SNTG1: variants seen among roughly 807,000 people sequenced by gnomAD.
The protein encoded by SNTG1 is syntrophin gamma 1.
SNTG1 carries 39 observed loss-of-function variants against 74.7 expected under a neutral mutation model. The observed-to-expected ratio is 0.52, with a 90% CI of 0.40 to 0.68. The LOEUF (loss-of-function observed/expected upper bound fraction) is 0.68, where lower values mean the gene tolerates loss of function less well. SNTG1 is among the 30% of genes least tolerant of loss of function. The pLI is 0.00. For missense variants in SNTG1, 685 were observed against 609.5 expected (o/e 1.12, Z -1.30); for synonymous variants, 254 against 217.1 (o/e 1.17, Z -1.49).
At chr8:50,107,906 G>T (rs150628233) in intron 1 of SNTG1, among the ~76,000 whole-genome samples, 15 of 152,256 alleles carry the variant, frequency 9.9e-5, no homozygotes, top group African/African-American at 2.9e-4. Context: ...AATGAAATGA[G>T]AAAATGTGTA....
intron 12 of SNTG1, among the ~76,000 whole-genome samples, chr8:50,575,496 T>G (rs947305065): frequency 6.6e-6 from 1 of 152,140 alleles, no homozygotes; most frequent in Non-Finnish European, 1.5e-5. Context: ...TCAGCTCCTT[T>G]TCTGTTTTCC....
chr8:50,544,708 A>C (rs979508741), intron 11 of SNTG1, among the ~76,000 whole-genome samples: 1 of 152,072 alleles, frequency 6.6e-6, no homozygotes, highest in Non-Finnish European at 1.5e-5. Context: ...AAGCATTTAC[A>C]AACATAGCAC....
intron 2 of SNTG1, among the ~76,000 whole-genome samples, chr8:50,223,998 A>G (rs1276865942): frequency 3.3e-5 from 5 of 152,172 alleles, no homozygotes; most frequent in African/African-American, 1.2e-4. Flanking sequence ...TAAAATTGCC[A>G]GATACAAATC....
At chr8:50,570,641 T>A (rs2094544239) in intron 12 of SNTG1, among the ~76,000 whole-genome samples, 1 of 149,212 alleles carries the variant, frequency 6.7e-6, no homozygotes, top group Non-Finnish European at 1.5e-5. Flanking sequence ...AGTCTCGCTC[T>A]GTCACCAGAC....
intron 8 of SNTG1, among the ~76,000 whole-genome samples, chr8:50,494,113 GTA>G (rs1252403440): frequency 1.4e-5 from 2 of 148,102 alleles, no homozygotes; most frequent in East Asian, 2.0e-4. Flanking sequence ...ATGTATATAT[GTA>G]TATATACACA....
At chr8:50,101,218 T>C (rs1034093712) in intron 1 of SNTG1, among the ~76,000 whole-genome samples, 3 of 152,160 alleles carry the variant, frequency 2.0e-5, no homozygotes, top group African/African-American at 7.2e-5. Flanking sequence ...TCTTTGCTAA[T>C]GATAATAGGG....
At chr8:50,763,905 AC>A (rs1448142730) in intron 18 of SNTG1, among the ~76,000 whole-genome samples, 19 of 113,676 alleles carry the variant, frequency 1.7e-4, no homozygotes, top group Middle Eastern at 7.8e-3. Context: ...ACACACACAC[AC>A]AAAAATAACC....
intron 1 of SNTG1, among the ~76,000 whole-genome samples, chr8:49,920,969 G>A (rs527736706): frequency 2.4e-4 from 36 of 152,162 alleles, no homozygotes; most frequent in African/African-American, 6.5e-4. Context: ...TGTGAAATAC[G>A]CTTCTTTGGA....
At chr8:50,138,746 G>A (rs1182564371) in intron 1 of SNTG1, among the ~76,000 whole-genome samples, 1 of 151,538 alleles carries the variant, frequency 6.6e-6, no homozygotes, top group South Asian at 2.1e-4. Flanking sequence ...CCATTTGCAG[G>A]CAGTTGTGTT....
At chr8:50,294,262 T>C (rs1161577545) in intron 2 of SNTG1, among the ~76,000 whole-genome samples, 3 of 152,232 alleles carry the variant, frequency 2.0e-5, no homozygotes, top group African/African-American at 7.2e-5. Flanking sequence ...TATATCAATT[T>C]AATTCTGAAT....
intron 17 of SNTG1, among the ~76,000 whole-genome samples, chr8:50,729,270 T>G (rs1448352221): frequency 6.6e-6 from 1 of 152,174 alleles, no homozygotes; most frequent in African/African-American, 2.4e-5. Context: ...TTATAGCTTA[T>G]TAGGCAGACA....
chr8:50,360,320 G>A (rs1207048809), intron 2 of SNTG1, among the ~76,000 whole-genome samples: 1 of 152,140 alleles, frequency 6.6e-6, no homozygotes, highest in African/African-American at 2.4e-5. Context: ...TGCTCAGCAT[G>A]TATTGATAAT....
At chr8:50,267,391 C>A (rs571898489) in intron 2 of SNTG1, among the ~76,000 whole-genome samples, 123 of 152,054 alleles carry the variant, frequency 8.1e-4, no homozygotes, top group South Asian at 4.2e-3. Flanking sequence ...GTACAACTGG[C>A]AAATATACAC....
chr8:50,083,660 C>G (rs1462630800), intron 1 of SNTG1, among the ~76,000 whole-genome samples: 1 of 152,144 alleles, frequency 6.6e-6, no homozygotes. Flanking sequence ...ATAATGCAAG[C>G]AACTACTTCA....
At chr8:49,945,738 T>C (rs544805249) in intron 1 of SNTG1, among the ~76,000 whole-genome samples, 1 of 152,292 alleles carries the variant, frequency 6.6e-6, no homozygotes, top group East Asian at 1.9e-4. Flanking sequence ...ACACAGGCAC[T>C]GAAGGCCTCT....
intron 12 of SNTG1, among the ~76,000 whole-genome samples, chr8:50,565,943 G>T (rs1453021850): frequency 6.6e-6 from 1 of 151,830 alleles, no homozygotes; most frequent in African/African-American, 2.4e-5. Flanking sequence ...AAAGTAAAGA[G>T]ATACAATCAT....
At chr8:50,492,312 C>T (rs2093864316) in intron 8 of SNTG1, among the ~76,000 whole-genome samples, 1 of 152,214 alleles carries the variant, frequency 6.6e-6, no homozygotes, top group African/African-American at 2.4e-5. Context: ...AATTGCCACA[C>T]TGTCTTCCAC....
rs149824566 is a variant in SNTG1, at chr8:50,701,672, CCTT to C, written c.1039-2912_1039-2910del. On this transcript the variant is annotated intron_variant, in intron 15 of 18. Transcript: ENST00000642720. ...TCTTTTTCTTCCTCTTCTTCTTCTT[CCTT>C]CTTCTTCTTCTTCTTTGCCTTCCTC... 6.4e-3 allele frequency among the ~76,000 whole-genome samples: 928 copies of C among 144,120 alleles called. 1 individual carries two copies. The highest frequency in any genetic ancestry group is 9.2e-3 in the Non-Finnish European group (610 of 66,524). The allele number at this position is 144,120 out of a possible 152,430, so 94.5% of individuals were successfully genotyped here. A position where few individuals can be genotyped will look rare whatever the true frequency, so the allele number is the denominator to read the frequency against.
chr8:50,031,910 T>C (rs1817771448), intron 1 of SNTG1, among the ~76,000 whole-genome samples: 1 of 152,092 alleles, frequency 6.6e-6, no homozygotes, highest in South Asian at 2.1e-4. Flanking sequence ...AATTCCCCAA[T>C]AAACCACTAA....
Sources: allele counts gnomAD v4.1 joint callset (sites outside exome capture counted in the v4.1 genomes callset), GRCh38; gene constraint gnomAD v4.1.1; transcripts MANE v1.5; gene names NCBI Gene and HGNC (gene_info 2026-07-23, HGNC 2026-07-21).